SORCS3: variants seen among roughly 807,000 people sequenced by gnomAD.
The protein encoded by SORCS3 is VPS10 domain-containing receptor SorCS3.
SORCS3 carries 57 observed loss-of-function variants against 146.3 expected under a neutral mutation model. The observed-to-expected ratio is 0.39, with a 90% CI of 0.31 to 0.49. The LOEUF is 0.49. Among genes scored for constraint, SORCS3 ranks in the 20% least tolerant of loss-of-function variants. SORCS3 has a pLI of 0.92. For synonymous variants in SORCS3, 653 were observed against 618.5 expected (o/e 1.06, Z -0.83); for missense variants, 1,341 against 1,575.5 (o/e 0.85, Z 2.52).
chr10:105,163,076 G>A (rs2056280353), intron 11 of SORCS3, among the ~76,000 whole-genome samples: 1 of 152,018 alleles, frequency 6.6e-6, no homozygotes, highest in African/African-American at 2.4e-5. Flanking sequence ...TACTCACCAA[G>A]CCTCTCCCTA....
chr10:104,755,245 G>C (rs551613584), intron 1 of SORCS3, among the ~76,000 whole-genome samples: 76 of 152,294 alleles, frequency 5.0e-4, no homozygotes, highest in Non-Finnish European at 9.8e-4. Flanking sequence ...TCATACAGCT[G>C]TTCTGCAAGG....
chr10:105,139,308 T>G, intron 7 of SORCS3, 89 bp from the exon 8 acceptor site: 1 of 938,316 alleles, frequency 1.1e-6, no homozygotes, highest in Non-Finnish European at 1.7e-6. Context: ...ACAAACCCAT[T>G]GTGGTTGTTG....
intron 4 of SORCS3, among the ~76,000 whole-genome samples, chr10:104,982,241 G>A (rs1284328637): frequency 6.6e-6 from 1 of 152,148 alleles, no homozygotes; most frequent in Non-Finnish European, 1.5e-5. Flanking sequence ...TGTAACTGGG[G>A]CAGGTGCTGG....
At chr10:105,236,661 T>C (rs773145817) in intron 20 of SORCS3, among the ~76,000 whole-genome samples, 26 of 152,134 alleles carry the variant, frequency 1.7e-4, no homozygotes, top group Non-Finnish European at 2.9e-4. Flanking sequence ...TCTATTTTTT[T>C]CTTTGAGTGC....
intron 5 of SORCS3, among the ~76,000 whole-genome samples, chr10:105,083,951 C>T (rs184576339): frequency 6.6e-6 from 1 of 152,296 alleles, no homozygotes; most frequent in Admixed American, 6.5e-5. Context: ...GGAGAGGCAG[C>T]TTACAGGAGA....
Position 104,920,810 on chromosome 10 carries a change from A to G in SORCS3, c.795+4878A>G, listed in dbSNP as rs2019079355. Among the ~76,000 whole-genome samples the G allele has an allele frequency of 3.3e-5, 5 of 152,218 alleles. No homozygotes were observed. The South Asian group carries it at 1.0e-3, about 32-fold the overall frequency. On this transcript the variant is annotated intron_variant, in intron 3 of 26. Coordinates refer to ENST00000369701, the MANE Select transcript of SORCS3 (RefSeq NM_014978.3). ...GATATGAAATGCACGAAGCTGCTTC[A>G]GTCAAAGTTGTCCTAGACTGCTGTT... is the stretch of plus-strand genomic sequence containing the variant.
At position 105,263,394 on chromosome 10, in the gene SORCS3, C is replaced by A; in HGVS notation, c.*20C>A. 1 of 1,612,144 alleles carries A rather than the reference C, an allele frequency of 6.2e-7. No individual in the cohort carries two copies. Among genetic ancestry groups the A allele is most frequent in the South Asian group, 1.1e-5 (1 of 90,992 alleles). On this transcript the variant is annotated 3_prime_UTR_variant, in exon 27 of 27. Transcript: ENST00000369701. ...GTTTAATACCAGCAAGCCACGTGGT[C>A]AACCACCTTTCTGACTTTTTATTTT...
At position 105,067,253 on chromosome 10, in the gene SORCS3, A is replaced by G. The variant is rs574323288; in HGVS notation, c.1029-22522A>G. ...TTTAAAAGAATAAACAAGGCCAGGCATGGTGGCTCAAGCCTGTAATCCCAA... is the reference window on the plus strand; with the variant it reads ...TTTAAAAGAATAAACAAGGCCAGGCGTGGTGGCTCAAGCCTGTAATCCCAA... On this transcript the variant is annotated intron_variant, in intron 5 of 26. Transcript: ENST00000369701. 2.6e-5 allele frequency among the ~76,000 whole-genome samples: 4 copies of G among 152,368 alleles called. No individual in the cohort carries two copies. In the South Asian group the frequency reaches 8.3e-4, roughly 32 times the overall value.
intron 1 of SORCS3, among the ~76,000 whole-genome samples, chr10:104,833,475 CAG>C (rs2018024472): frequency 6.6e-6 from 1 of 152,140 alleles, no homozygotes; most frequent in African/African-American, 2.4e-5. Context: ...AGAGCAGACA[CAG>C]GGGTAACTGG....
At chr10:105,056,957 A>G (rs2055449872) in intron 5 of SORCS3, among the ~76,000 whole-genome samples, 1 of 152,212 alleles carries the variant, frequency 6.6e-6, no homozygotes, top group African/African-American at 2.4e-5. Flanking sequence ...TACACCTAAC[A>G]TTAACAGTTT....
intron 2 of SORCS3, among the ~76,000 whole-genome samples, chr10:104,866,812 C>A (rs879591663): frequency 1.3e-5 from 2 of 151,880 alleles, no homozygotes; most frequent in Non-Finnish European, 2.9e-5. Context: ...TATTTTTTGC[C>A]CATAATCTCT....
At chr10:104,984,983 C>T (rs376747407) in intron 4 of SORCS3, among the ~76,000 whole-genome samples, 1 of 151,996 alleles carries the variant, frequency 6.6e-6, no homozygotes. Flanking sequence ...ATAGATGACT[C>T]CTAAGGGTGG....
chr10:104,830,126 C>T (rs2017984173), intron 1 of SORCS3, among the ~76,000 whole-genome samples: 1 of 152,102 alleles, frequency 6.6e-6, no homozygotes, highest in Admixed American at 6.6e-5. Flanking sequence ...TTGTTCATCT[C>T]CCACTTATGA....
chr10:104,923,759 T>C (rs1185198933), intron 3 of SORCS3, among the ~76,000 whole-genome samples: 1 of 152,216 alleles, frequency 6.6e-6, no homozygotes, highest in Non-Finnish European at 1.5e-5. Context: ...TCTGTGAGCC[T>C]TTCTTTTTCT....
intron 1 of SORCS3, among the ~76,000 whole-genome samples, chr10:104,795,706 C>T (rs1035870666): frequency 2.0e-5 from 3 of 152,208 alleles, no homozygotes. Context: ...TTGATAACCG[C>T]TAAGTTGGAG....
chr10:105,000,170 G>A (rs1370785899), intron 4 of SORCS3, among the ~76,000 whole-genome samples: 1 of 152,060 alleles, frequency 6.6e-6, no homozygotes, highest in Non-Finnish European at 1.5e-5. Context: ...AATATTTAGG[G>A]TACAGAAGAA....
At chr10:105,211,381 G>T in intron 17 of SORCS3, 131 bp downstream of exon 17, 1 of 665,910 alleles carries the variant, frequency 1.5e-6, no homozygotes, top group Non-Finnish European at 2.7e-6. Flanking sequence ...GGCATTTGAA[G>T]GGAAGTGAGG....
chr10:105,247,739 T>G (rs1248820994), intron 22 of SORCS3, among the ~76,000 whole-genome samples: 2 of 105,840 alleles, frequency 1.9e-5, no homozygotes, highest in African/African-American at 7.3e-5. Flanking sequence ...CAGAGCAAGA[T>G]TCTGTCAAAA....
chr10:105,168,825 A>G (rs975106084), intron 13 of SORCS3, among the ~76,000 whole-genome samples: 1 of 152,150 alleles, frequency 6.6e-6, no homozygotes, highest in Non-Finnish European at 1.5e-5. Flanking sequence ...TAGTTCTACC[A>G]CTATGATATG....
Sources: allele counts gnomAD v4.1 joint callset (sites outside exome capture counted in the v4.1 genomes callset), GRCh38; gene constraint gnomAD v4.1.1; transcripts MANE v1.5; gene names NCBI Gene and HGNC (gene_info 2026-07-23, HGNC 2026-07-21).